The following PLEKHA7 variants were observed in gnomAD, a reference collection of about 807,000 sequenced individuals.
PLEKHA7 encodes pleckstrin homology domain-containing family A member 7.
In PLEKHA7, 104 loss-of-function variants were observed where a neutral mutation model predicts 170.0. The observed-to-expected ratio is 0.61, with a 90% CI of 0.52 to 0.72. The LOEUF (loss-of-function observed/expected upper bound fraction) is 0.72. PLEKHA7 is among the 30% of genes least tolerant of loss of function. The pLI is 0.00. For synonymous variants in PLEKHA7, 648 were observed against 660.8 expected (o/e 0.98, Z 0.30); for missense variants, 1,615 against 1,671.7 (o/e 0.97, Z 0.59).
chr11:16,829,988 TC>T, intron 9 of PLEKHA7, among the ~76,000 whole-genome samples: 1 of 151,724 alleles, frequency 6.6e-6, no homozygotes, highest in Non-Finnish European at 1.5e-5. Context: ...TTTTTTTTTT[TC>T]TTTTTCTGAT....
chr11:16,884,481 A>C (rs1855929584), intron 3 of PLEKHA7, among the ~76,000 whole-genome samples: 1 of 152,062 alleles, frequency 6.6e-6, no homozygotes, highest in Non-Finnish European at 1.5e-5. Context: ...AAAAATACAA[A>C]AAAATTAGCC....
At chr11:16,962,770 C>T (rs372529215) in intron 3 of PLEKHA7, among the ~76,000 whole-genome samples, 1 of 152,192 alleles carries the variant, frequency 6.6e-6, no homozygotes, top group East Asian at 1.9e-4. Flanking sequence ...CCACAAGCAC[C>T]TTGATGTGGT....
At chr11:16,827,585 G>A (rs2134984849) in intron 9 of PLEKHA7, among the ~76,000 whole-genome samples, 1 of 152,216 alleles carries the variant, frequency 6.6e-6, no homozygotes, top group African/African-American at 2.4e-5. Context: ...ACATGGTGGA[G>A]GGCTCCTCTT....
chr11:17,013,546 T>TC (rs1865453305), intron 3 of PLEKHA7, among the ~76,000 whole-genome samples: 1 of 151,990 alleles, frequency 6.6e-6, no homozygotes, highest in African/African-American at 2.4e-5. Context: ...TAAGCGAGAT[T>TC]CCCCTAGTCT....
At chr11:16,913,447 A>T in intron 3 of PLEKHA7, among the ~76,000 whole-genome samples, 1 of 152,208 alleles carries the variant, frequency 6.6e-6, no homozygotes, top group Non-Finnish European at 1.5e-5. Flanking sequence ...TCTCGACAGC[A>T]GTAGCCAGAG....
chr11:16,910,739 C>A (rs550757919), intron 3 of PLEKHA7, among the ~76,000 whole-genome samples: 3 of 152,316 alleles, frequency 2.0e-5, no homozygotes, highest in Admixed American at 1.3e-4. Flanking sequence ...GACAGCCCCC[C>A]ACAACAAAGA....
chr11:16,974,084 AAG>A (rs1352524825), intron 3 of PLEKHA7, among the ~76,000 whole-genome samples: 1 of 152,200 alleles, frequency 6.6e-6, no homozygotes, highest in Non-Finnish European at 1.5e-5. Context: ...AAGAAAATTT[AAG>A]ACTCACTTAA....
intron 3 of PLEKHA7, among the ~76,000 whole-genome samples, chr11:16,969,066 G>A (rs1862555558): frequency 6.6e-6 from 1 of 152,154 alleles, no homozygotes; most frequent in Admixed American, 6.5e-5. Flanking sequence ...AAAGGAAACT[G>A]AAGGGGTTTT....
intron 3 of PLEKHA7, among the ~76,000 whole-genome samples, chr11:16,952,803 T>G (rs941398634): frequency 6.6e-6 from 1 of 152,254 alleles, no homozygotes; most frequent in Non-Finnish European, 1.5e-5. Context: ...GGTTACAGAT[T>G]TATCAACATT....
chr11:16,796,748 T>C (rs1047832632), intron 17 of PLEKHA7, among the ~76,000 whole-genome samples: 1 of 152,212 alleles, frequency 6.6e-6, no homozygotes, highest in Non-Finnish European at 1.5e-5. Context: ...CTCAAACTCC[T>C]GGGCTCAAGT....
intron 8 of PLEKHA7, among the ~76,000 whole-genome samples, chr11:16,850,891 C>A (rs1852882083): frequency 6.6e-6 from 1 of 152,092 alleles, no homozygotes; most frequent in Non-Finnish European, 1.5e-5. Flanking sequence ...GTTAGGCTGG[C>A]TGAGTACGGT....
intron 3 of PLEKHA7, among the ~76,000 whole-genome samples, chr11:17,010,621 A>G (rs1327026811): frequency 1.3e-5 from 2 of 152,164 alleles, no homozygotes; most frequent in Admixed American, 1.3e-4. Context: ...ATTTTTTCAA[A>G]AATTAAAATG....
At chr11:16,957,697 C>CTTTTTTTTTTTTTTT (rs1169142909) in intron 3 of PLEKHA7, among the ~76,000 whole-genome samples, 1 of 87,298 alleles carries the variant, frequency 1.1e-5, no homozygotes, top group Non-Finnish European at 2.0e-5. Context: ...TAATTTTTTT[C>CTTTTTTTTTTTTTTT]TTTTTTTTTT....
intron 3 of PLEKHA7, among the ~76,000 whole-genome samples, chr11:16,926,627 G>A (rs771161728): frequency 1.3e-5 from 2 of 152,242 alleles, no homozygotes; most frequent in Admixed American, 6.5e-5. Context: ...GATCCCTGAC[G>A]AAGTGATACT....
At chr11:16,853,171 C>T (rs1046460158) in intron 6 of PLEKHA7, among the ~76,000 whole-genome samples, 1 of 152,044 alleles carries the variant, frequency 6.6e-6, no homozygotes, top group African/African-American at 2.4e-5. Flanking sequence ...CATAGTGATG[C>T]CCCAGCTGTA....
Position 16,925,842 on chromosome 11 carries a change from G to T in PLEKHA7, c.222-54660C>A, listed in dbSNP as rs571484577. Among the ~76,000 whole-genome samples the T allele has an allele frequency of 4.6e-5, 7 of 152,368 alleles. No homozygotes were observed. In the South Asian group the frequency reaches 8.3e-4, roughly 18 times the overall value. ...CCAGGTGCTGCCGTTCGGCCAGGACGGCGCGTCCGAGCCCAGCACATTCCT... is the reference window on the plus strand; with the variant it reads ...CCAGGTGCTGCCGTTCGGCCAGGACTGCGCGTCCGAGCCCAGCACATTCCT... On this transcript the variant is annotated intron_variant, in intron 3 of 26. Coordinates refer to ENST00000531066, the MANE Select transcript of PLEKHA7 (RefSeq NM_001329630.2).
chr11:16,946,685 T>C (rs1478867951), intron 3 of PLEKHA7, among the ~76,000 whole-genome samples: 1 of 152,038 alleles, frequency 6.6e-6, no homozygotes, highest in Non-Finnish European at 1.5e-5. Context: ...TGAAGTGAAA[T>C]TTCTGTAGAA....
chr11:16,954,280 C>T lies in PLEKHA7; in HGVS notation c.221+59709G>A, dbSNP rs1285375403. On this transcript the variant is annotated intron_variant, in intron 3 of 26. Coordinates refer to ENST00000531066, the MANE Select transcript of PLEKHA7 (RefSeq NM_001329630.2). Reference sequence around the variant, plus strand: ...CCTGTAATCTCAGCACTTTGGGAGGCTGAGGCAGGAGGACTACTTGAGGCC... The same window carrying T: ...CCTGTAATCTCAGCACTTTGGGAGGTTGAGGCAGGAGGACTACTTGAGGCC... Among the ~76,000 whole-genome samples, 4 of 152,168 alleles carry T rather than the reference C, an allele frequency of 2.6e-5. No homozygotes were observed. In the East Asian group the frequency reaches 7.7e-4, roughly 29 times the overall value.
intron 17 of PLEKHA7, among the ~76,000 whole-genome samples, chr11:16,796,455 T>C (rs1017831147): frequency 2.6e-5 from 4 of 152,086 alleles, no homozygotes; most frequent in African/African-American, 9.7e-5. Flanking sequence ...ATGTCCAGAC[T>C]AGTCAAATCA....
Sources: gnomAD v4.1 joint callset for allele counts (sites outside exome capture counted in the v4.1 genomes callset) on GRCh38, gnomAD v4.1.1 for gene constraint, MANE v1.5 for transcripts, NCBI Gene and HGNC (gene_info 2026-07-23, HGNC 2026-07-21) for gene names.